The following PRMT2 variants were observed in gnomAD, a reference collection of about 807,000 sequenced individuals.
The protein encoded by PRMT2 is protein arginine N-methyltransferase 2.
Under a neutral mutation model 57.6 loss-of-function variants are expected in PRMT2, and 26 were observed. That is an observed-to-expected ratio of 0.45 (90% CI 0.33 to 0.63). The LOEUF is 0.63. Among genes scored for constraint, PRMT2 ranks in the 20% least tolerant of loss-of-function variants. The probability of loss-of-function intolerance (pLI) is 0.02; values close to 1 mark genes in which losing one functional copy is unlikely to be tolerated. For synonymous variants in PRMT2, 219 were observed against 220.0 expected (o/e 1.00, Z 0.04); for missense variants, 472 against 564.4 (o/e 0.84, Z 1.66).
chr21:46,656,773 C>CT (rs1234910297), intron 7 of PRMT2: 2 of 152,134 alleles, frequency 1.3e-5, no homozygotes, highest in African/African-American at 2.4e-5. Flanking sequence ...TGGGCAAAGA[C>CT]TTTTTACTCT....
chr21:46,638,724 A>G (rs1475767246), intron 3 of PRMT2, among the ~76,000 whole-genome samples: 2 of 152,226 alleles, frequency 1.3e-5, no homozygotes, highest in Non-Finnish European at 2.9e-5. Context: ...ACTTGTGTTC[A>G]TCCTGTTAAT....
At chr21:46,642,556 TTC>T (rs1413058031) in intron 3 of PRMT2, among the ~76,000 whole-genome samples, 10 of 152,242 alleles carry the variant, frequency 6.6e-5, no homozygotes, top group African/African-American at 2.2e-4. Context: ...TTTAATTTTC[TTC>T]TGTGTACTTG....
chr21:46,662,959 G>A (rs1035666225), intron 10 of PRMT2, among the ~76,000 whole-genome samples: 1 of 152,148 alleles, frequency 6.6e-6, no homozygotes, highest in Admixed American at 6.5e-5. Flanking sequence ...GCAGGAAGGG[G>A]TTGCACAGCC....
rs1329825924 is a variant in PRMT2, at chr21:46,636,918, A to C, written c.-34A>C. 1.9e-6 allele frequency: 3 copies of C among 1,600,990 alleles called. No individual in the cohort carries two copies. Among genetic ancestry groups the C allele is most frequent in the Admixed American group, 1.7e-5 (1 of 57,152 alleles). On this transcript the variant is annotated 5_prime_UTR_variant, in exon 3 of 12. The change abolishes the stop of an existing upstream ORF in the 5' untranslated region. Coordinates refer to ENST00000355680, the MANE Select transcript of PRMT2 (RefSeq NM_206962.4). ...TAGAAATGGAAAAGAAAATGAAATAAATCAGCAGTTATGAGGCAGAGCCTA... is the reference window on the plus strand; with the variant it reads ...TAGAAATGGAAAAGAAAATGAAATACATCAGCAGTTATGAGGCAGAGCCTA...
rs944788961 is a variant in PRMT2 at position 46,659,099 on chromosome 21, A to C, written c.830+179A>C. 1.1e-4 allele frequency: 147 copies of C among 1,384,956 alleles called. 1 individual carries two copies. Among genetic ancestry groups the C allele is most frequent in the Non-Finnish European group, 1.3e-4 (143 of 1,070,614 alleles). 85.8% of individuals were successfully genotyped at this position (1,384,956 alleles called of 1,614,324 possible). ...AATTAAAGCAGTATGGTGCTATAAC[A>C]AGACAGATGGGCAGAGCAGGGTAGA... On this transcript the variant is annotated intron_variant, in intron 8 of 11. Coordinates refer to ENST00000355680, the MANE Select transcript of PRMT2 (RefSeq NM_206962.4).
rs770104210 is a variant in PRMT2 at position 46,664,413 on chromosome 21, A to G, written c.*86A>G. 6.5e-7 allele frequency: 1 copy of G among 1,532,490 alleles called. No homozygotes were observed. The highest frequency in any genetic ancestry group is 9.0e-7 in the Non-Finnish European group (1 of 1,108,126). 94.9% of individuals were successfully genotyped at this position (1,532,490 alleles called of 1,614,324 possible). A position where few individuals can be genotyped will look rare whatever the true frequency, so the allele number is the denominator to read the frequency against. ...ACCAAGTTGCACCTGGCTTCTGCAC[A>G]CTCCTGCGAAAGTCGGTGAACATTC... On this transcript the variant is annotated 3_prime_UTR_variant, in exon 12 of 12. Transcript: ENST00000355680.
chr21:46,664,378 A>G lies in PRMT2; in HGVS notation c.*51A>G. ...GTGTGCATATCTTGAGGGGTGATGA[A>G]CACAAGCAAACCAAGTTGCACCTGG... On this transcript the variant is annotated 3_prime_UTR_variant, in exon 12 of 12. Coordinates refer to ENST00000355680, the MANE Select transcript of PRMT2 (RefSeq NM_206962.4). The G allele has an allele frequency of 6.2e-7, 1 of 1,612,500 alleles. No individual in the cohort carries two copies. The highest frequency in any genetic ancestry group is 8.5e-7 in the Non-Finnish European group (1 of 1,178,728).
At chr21:46,650,333 G>A (rs567996616) in intron 7 of PRMT2, among the ~76,000 whole-genome samples, 7 of 152,258 alleles carry the variant, frequency 4.6e-5, no homozygotes, top group African/African-American at 1.4e-4. Flanking sequence ...ACAGGACATT[G>A]TAGTGGAGCA....
chr21:46,651,231 G>C (rs1470122812), intron 7 of PRMT2, among the ~76,000 whole-genome samples: 1 of 152,148 alleles, frequency 6.6e-6, no homozygotes, highest in Admixed American at 6.5e-5. Context: ...GGGGGATGCA[G>C]AGCAGGGCCA....
intron 10 of PRMT2, among the ~76,000 whole-genome samples, chr21:46,662,238 G>C (rs1024935822): frequency 6.6e-6 from 1 of 152,148 alleles, no homozygotes; most frequent in African/African-American, 2.4e-5. Context: ...GAGCACCACA[G>C]CTCTTCATGG....
intron 7 of PRMT2, chr21:46,652,804 A>C (rs2061480377): frequency 8.1e-7 from 1 of 1,237,642 alleles, no homozygotes; most frequent in South Asian, 1.4e-5. Flanking sequence ...TTTTGTTAAC[A>C]AAGCAGGTGA....
intron 10 of PRMT2, among the ~76,000 whole-genome samples, chr21:46,662,474 G>A (rs2061644893): frequency 1.3e-5 from 2 of 152,226 alleles, no homozygotes; most frequent in African/African-American, 2.4e-5. Flanking sequence ...CCGGCTCCAG[G>A]GAGGTCGCAG....
Position 46,664,446 on chromosome 21 carries a change from A to G in PRMT2, c.*119A>G, listed in dbSNP as rs1191152568. On this transcript the variant is annotated 3_prime_UTR_variant, in exon 12 of 12. Transcript: ENST00000355680. ...GAAAGTCGGTGAACATTCACTCCACATTGACCCCTCCCTAGCCTGGCAGGT... is the reference window on the plus strand; with the variant it reads ...GAAAGTCGGTGAACATTCACTCCACGTTGACCCCTCCCTAGCCTGGCAGGT... 2.3e-6 allele frequency: 3 copies of G among 1,283,998 alleles called. No individual in the cohort carries two copies. Among genetic ancestry groups the G allele is most frequent in the South Asian group, 2.4e-5 (2 of 83,454 alleles). The allele number at this position is 1,283,998 out of a possible 1,614,324, so 79.5% of individuals were successfully genotyped here. A position where few individuals can be genotyped will look rare whatever the true frequency, so the allele number is the denominator to read the frequency against.
chr21:46,659,645 G>A, intron 8 of PRMT2: 1 of 985,394 alleles, frequency 1.0e-6, no homozygotes, highest in Non-Finnish European at 1.2e-6. Context: ...TAAAATAGTA[G>A]CCCAGGCTTG....
chr21:46,646,706 T>A (rs1469069001), intron 5 of PRMT2, among the ~76,000 whole-genome samples: 1 of 152,176 alleles, frequency 6.6e-6, no homozygotes, highest in East Asian at 1.9e-4. Context: ...TTCTATAGGG[T>A]AAATTCCTAC....
At chr21:46,637,035 G>C (rs779161531) in intron 3 of PRMT2, 45 bp downstream of exon 3, 33 of 1,594,520 alleles carry the variant, frequency 2.1e-5, no homozygotes, top group Non-Finnish European at 2.7e-5. Flanking sequence ...TAATGAATGT[G>C]AGCATTACAG....
At chr21:46,652,296 CAAATA>C (rs1170729117) in intron 7 of PRMT2, 1 of 1,272,148 alleles carries the variant, frequency 7.9e-7, no homozygotes. Context: ...ATGAAGCTGT[CAAATA>C]AAATACTTGA....
chr21:46,638,448 T>A (rs767671719), intron 3 of PRMT2, among the ~76,000 whole-genome samples: 1 of 152,246 alleles, frequency 6.6e-6, no homozygotes, highest in South Asian at 2.1e-4. Flanking sequence ...TTTCAAACAA[T>A]GCTGTAGTGA....
intron 9 of PRMT2, 120 bp from the exon 10 acceptor site, chr21:46,661,680 C>A: frequency 9.3e-7 from 1 of 1,076,018 alleles, no homozygotes; most frequent in Non-Finnish European, 1.2e-6. Flanking sequence ...GGCTGGGGGG[C>A]TTTTCTACGG....
Sources: allele counts gnomAD v4.1 joint callset (sites outside exome capture counted in the v4.1 genomes callset), GRCh38; gene constraint gnomAD v4.1.1; transcripts MANE v1.5; gene names NCBI Gene and HGNC (gene_info 2026-07-23, HGNC 2026-07-21).